The following RFX3 variants were observed in gnomAD, a reference collection of about 807,000 sequenced individuals.
RFX3 encodes the protein transcription factor RFX3.
Under a neutral mutation model 98.6 loss-of-function variants are expected in RFX3, and 14 were observed. The ratio of observed to expected loss-of-function variants is 0.14; its 90% CI spans 0.09 to 0.22. The LOEUF (loss-of-function observed/expected upper bound fraction) is 0.22. Ranked by LOEUF, RFX3 falls within the 10% of genes least tolerant of loss-of-function variation. The probability of loss-of-function intolerance (pLI) is 1.00; values close to 1 mark genes in which losing one functional copy is unlikely to be tolerated. For missense variants in RFX3, 639 were observed against 926.9 expected (o/e 0.69, Z 4.03); for synonymous variants, 383 against 328.4 (o/e 1.17, Z -1.80).
At chr9:3,237,814 A>T (rs473778) in intron 15 of RFX3, among the ~76,000 whole-genome samples, 3 of 152,006 alleles carry the variant, frequency 2.0e-5, no homozygotes, top group Non-Finnish European at 2.9e-5. Flanking sequence ...AGTGGAGCAC[A>T]GCATGGGCGG....
intron 9 of RFX3, among the ~76,000 whole-genome samples, chr9:3,273,820 G>A (rs1266725580): frequency 6.8e-6 from 1 of 146,210 alleles, no homozygotes; most frequent in Non-Finnish European, 1.5e-5. Flanking sequence ...AGCCGAGATC[G>A]CACTACTGCA....
At chr9:3,394,885 A>T in intron 2 of RFX3, 2 of 970,900 alleles carry the variant, frequency 2.1e-6, no homozygotes, top group Non-Finnish European at 2.4e-6. Context: ...TGCCCTGCGT[A>T]TGAATAAGAC....
intron 1 of RFX3, among the ~76,000 whole-genome samples, chr9:3,410,762 C>T (rs1842398771): frequency 6.6e-6 from 1 of 152,206 alleles, no homozygotes; most frequent in South Asian, 2.1e-4. Flanking sequence ...TACCTCTTTA[C>T]ATATTATGTT....
At chr9:3,445,505 T>G (rs1462818491) in intron 1 of RFX3, among the ~76,000 whole-genome samples, 4 of 152,146 alleles carry the variant, frequency 2.6e-5, no homozygotes, top group Non-Finnish European at 4.4e-5. Flanking sequence ...CCCATCTGGC[T>G]TCATAATCCA....
intron 3 of RFX3, among the ~76,000 whole-genome samples, chr9:3,341,490 G>A (rs983211902): frequency 1.3e-5 from 2 of 152,076 alleles, no homozygotes; most frequent in Admixed American, 1.3e-4. Context: ...ATGTGGAGAA[G>A]CAAGTAAGCT....
chr9:3,254,848 T>G (rs1435489866), intron 14 of RFX3, among the ~76,000 whole-genome samples: 1 of 152,202 alleles, frequency 6.6e-6, no homozygotes, highest in African/African-American at 2.4e-5. Flanking sequence ...ATCAACACAT[T>G]TCTCATAAAC....
intron 2 of RFX3, among the ~76,000 whole-genome samples, chr9:3,367,931 G>C (rs974529553): frequency 2.0e-5 from 3 of 152,138 alleles, no homozygotes; most frequent in Admixed American, 6.5e-5. Flanking sequence ...TCAATCCCTA[G>C]AATTGAAAAT....
chr9:3,457,342 C>T (rs1847284374), intron 1 of RFX3, among the ~76,000 whole-genome samples: 1 of 151,956 alleles, frequency 6.6e-6, no homozygotes, highest in Admixed American at 6.6e-5. Context: ...TTCATATTTG[C>T]AAGTCATTTA....
chr9:3,405,262 T>C (rs1352013427), intron 1 of RFX3, among the ~76,000 whole-genome samples: 1 of 152,130 alleles, frequency 6.6e-6, no homozygotes, highest in Non-Finnish European at 1.5e-5. Flanking sequence ...GTTTTTCTGC[T>C]CTCTCAACAA....
Position 3,220,457 on chromosome 9 carries a change from C to G in RFX3, c.*4585G>C, listed in dbSNP as rs996680964. 1 of 151,988 alleles carries G rather than the reference C, an allele frequency of 6.6e-6. No individual in the cohort carries two copies. The highest frequency in any genetic ancestry group is 1.5e-5 in the Non-Finnish European group (1 of 67,984). The allele number at this position is 151,988 out of a possible 1,614,324, so 9.4% of individuals were successfully genotyped here. ...GGTCTATCCAGGCCCATGTATTTGT[C>G]CTCCTTTTCTAGAGACTATGGTGTG... On this transcript the variant is annotated 3_prime_UTR_variant, in exon 17 of 17. Transcript: ENST00000617270.
At chr9:3,435,254 T>C (rs1286209518) in intron 1 of RFX3, among the ~76,000 whole-genome samples, 1 of 152,076 alleles carries the variant, frequency 6.6e-6, no homozygotes, top group Admixed American at 6.6e-5. Flanking sequence ...TACTGTAACC[T>C]TTCTACTTTA....
At chr9:3,353,766 A>G (rs905797919) in intron 2 of RFX3, among the ~76,000 whole-genome samples, 1 of 152,116 alleles carries the variant, frequency 6.6e-6, no homozygotes, top group Non-Finnish European at 1.5e-5. Context: ...CATAAGAATC[A>G]TAATGCCTAG....
intron 2 of RFX3, chr9:3,394,729 C>A (rs1454472860): frequency 2.9e-6 from 2 of 681,326 alleles, no homozygotes; most frequent in Non-Finnish European, 3.6e-6. Flanking sequence ...ATAGGCAAAT[C>A]TTGAATCTCA....
intron 3 of RFX3, among the ~76,000 whole-genome samples, chr9:3,343,775 T>G (rs1166640462): frequency 6.6e-6 from 1 of 152,210 alleles, no homozygotes; most frequent in Non-Finnish European, 1.5e-5. Context: ...TGACCAAAAG[T>G]GCACATTTGT....
At chr9:3,236,858 G>A (rs1005688888) in intron 15 of RFX3, among the ~76,000 whole-genome samples, 1 of 152,194 alleles carries the variant, frequency 6.6e-6, no homozygotes, top group African/African-American at 2.4e-5. Flanking sequence ...ACAAATGTAG[G>A]GGAGAAAATA....
intron 1 of RFX3, among the ~76,000 whole-genome samples, chr9:3,422,063 G>C (rs902173416): frequency 6.6e-6 from 1 of 151,926 alleles, no homozygotes; most frequent in Non-Finnish European, 1.5e-5. Context: ...CTTCAGAGTA[G>C]AAAAGGTACC....
At chr9:3,284,131 A>G (rs931927164) in intron 7 of RFX3, among the ~76,000 whole-genome samples, 1 of 151,838 alleles carries the variant, frequency 6.6e-6, no homozygotes, top group Non-Finnish European at 1.5e-5. Context: ...ATGATAAATG[A>G]CATTTAATAT....
intron 1 of RFX3, among the ~76,000 whole-genome samples, chr9:3,456,469 C>A (rs1847162154): frequency 6.6e-6 from 1 of 152,102 alleles, no homozygotes; most frequent in Non-Finnish European, 1.5e-5. Context: ...AGCTTTTGCT[C>A]CCAGCTTTAT....
At chr9:3,497,055 C>A (rs1481978568) in intron 1 of RFX3, among the ~76,000 whole-genome samples, 1 of 151,950 alleles carries the variant, frequency 6.6e-6, no homozygotes, top group East Asian at 1.9e-4. Context: ...CATACTGAAC[C>A]TGTGTTTGTG....
Sources: gnomAD v4.1 joint callset for allele counts (sites outside exome capture counted in the v4.1 genomes callset) on GRCh38, gnomAD v4.1.1 for gene constraint, MANE v1.5 for transcripts, NCBI Gene and HGNC (gene_info 2026-07-23, HGNC 2026-07-21) for gene names.